Variants in FIG4 observed in about 807,000 individuals in gnomAD.
FIG4 encodes polyphosphoinositide phosphatase.
A neutral mutation model predicts 118.6 loss-of-function variants in FIG4; 112 were observed. The observed-to-expected ratio is 0.94, with a 90% CI of 0.81 to 1.11. The LOEUF (loss-of-function observed/expected upper bound fraction) is 1.11. FIG4 is among the 50% of genes least tolerant of loss of function. The pLI is 0.00. For missense variants in FIG4, 969 were observed against 1,111.7 expected (o/e 0.87, Z 1.83); for synonymous variants, 369 against 381.2 (o/e 0.97, Z 0.37).
intron 10 of FIG4, among the ~76,000 whole-genome samples, chr6:109,753,996 G>T (rs9386840): frequency 0.45 from 67,915 of 151,944 alleles, 16,194 homozygotes; most frequent in African/African-American, 0.61. Context: ...AGTGGTGAGA[G>T]AGGGCATCCC....
At chr6:109,804,746 A>G (rs1778516644) in intron 22 of FIG4, among the ~76,000 whole-genome samples, 9 of 152,180 alleles carry the variant, frequency 5.9e-5, no homozygotes. Context: ...AGATCTGCTC[A>G]TATTTTATAA....
chr6:109,821,177 G>A (rs1778996008), intron 22 of FIG4, among the ~76,000 whole-genome samples: 1 of 152,190 alleles, frequency 6.6e-6, no homozygotes, highest in Non-Finnish European at 1.5e-5. Flanking sequence ...AATTGAGCAG[G>A]ACAATGGAGA....
At chr6:109,795,595 CTTTTTTTTTTTT>C (rs72384711) in intron 21 of FIG4, among the ~76,000 whole-genome samples, 13 of 69,538 alleles carry the variant, frequency 1.9e-4, no homozygotes, top group Admixed American at 7.9e-4. Context: ...GGTTTCAGTC[CTTTTTTTTTTTT>C]TTTTTTTTTT....
chr6:109,784,086 T>C lies in FIG4; in HGVS notation c.1890-884T>C, dbSNP rs1777883703. ...TTCAGCTTTATATTTTTAGAAAGCC[T>C]TTCATTTATATTAAAATCTCTTTTT... is the stretch of plus-strand genomic sequence containing the variant. On this transcript the variant is annotated intron_variant, in intron 16 of 22. Coordinates refer to ENST00000230124, the MANE Select transcript of FIG4 (RefSeq NM_014845.6). Among the ~76,000 whole-genome samples, 4 of 152,290 alleles carry C rather than the reference T, an allele frequency of 2.6e-5. No individual in the cohort carries two copies. In the South Asian group the frequency reaches 8.3e-4, roughly 32 times the overall value.
chr6:109,815,587 A>T (rs1562699150), intron 22 of FIG4, among the ~76,000 whole-genome samples: 1 of 143,794 alleles, frequency 7.0e-6, no homozygotes, highest in Admixed American at 7.5e-5. Context: ...CTCCATGCAG[A>T]TTATACCCAT....
At chr6:109,727,058 A>C in intron 3 of FIG4, 51 bp from the exon 4 acceptor site, 1 of 1,409,294 alleles carries the variant, frequency 7.1e-7, no homozygotes, top group Admixed American at 1.7e-5. Context: ...GGCATCTAAA[A>C]GCCATTACTA....
At chr6:109,813,462 T>C (rs1423215395) in intron 22 of FIG4, among the ~76,000 whole-genome samples, 1 of 152,248 alleles carries the variant, frequency 6.6e-6, no homozygotes. Flanking sequence ...TTAGTTGTCA[T>C]GTCTCTTTAG....
chr6:109,804,814 C>T (rs1377974632), intron 22 of FIG4, among the ~76,000 whole-genome samples: 1 of 152,100 alleles, frequency 6.6e-6, no homozygotes, highest in African/African-American at 2.4e-5. Context: ...GTAAATGGAA[C>T]CCACTATGTG....
intron 1 of FIG4, among the ~76,000 whole-genome samples, chr6:109,705,369 C>T (rs573585627): frequency 2.7e-4 from 41 of 152,296 alleles, no homozygotes; most frequent in African/African-American, 9.6e-4. Flanking sequence ...ATTCCGCGGT[C>T]TACAGTAGGC....
chr6:109,824,453 T>C (rs1486606048), intron 22 of FIG4, among the ~76,000 whole-genome samples: 1 of 151,860 alleles, frequency 6.6e-6, no homozygotes, highest in Non-Finnish European at 1.5e-5. Context: ...ACAAAATGAG[T>C]TTCAGTTGGG....
intron 16 of FIG4, among the ~76,000 whole-genome samples, chr6:109,778,913 T>C (rs189199579): frequency 2.0e-5 from 3 of 152,330 alleles, no homozygotes; most frequent in East Asian, 3.9e-4. Context: ...GCAGCTGTTA[T>C]TAAGTTCTGT....
At chr6:109,702,705 C>T (rs1774941704) in intron 1 of FIG4, among the ~76,000 whole-genome samples, 1 of 152,122 alleles carries the variant, frequency 6.6e-6, no homozygotes, top group African/African-American at 2.4e-5. Flanking sequence ...CCTTTCCCTA[C>T]CATTTGAACT....
At chr6:109,822,787 G>GTGTATATA (rs1554313769) in intron 22 of FIG4, among the ~76,000 whole-genome samples, 1 of 120,432 alleles carries the variant, frequency 8.3e-6, no homozygotes, top group African/African-American at 3.2e-5. Context: ...GTGTGTGTAT[G>GTGTATATA]TATATATATA....
intron 15 of FIG4, among the ~76,000 whole-genome samples, chr6:109,774,155 A>G (rs1245994443): frequency 6.6e-6 from 1 of 152,222 alleles, no homozygotes; most frequent in Non-Finnish European, 1.5e-5. Context: ...TATACAAAGT[A>G]CAGAATGGCT....
intron 4 of FIG4, among the ~76,000 whole-genome samples, chr6:109,727,509 A>G (rs1348353431): frequency 7.9e-5 from 12 of 152,208 alleles, no homozygotes; most frequent in Admixed American, 7.9e-4. Flanking sequence ...AAGAGCTGTT[A>G]AAGACTCCAT....
chr6:109,799,011 C>T (rs1054796078), intron 22 of FIG4, among the ~76,000 whole-genome samples: 2 of 152,186 alleles, frequency 1.3e-5, no homozygotes, highest in Admixed American at 6.5e-5. Flanking sequence ...GATTATTCCA[C>T]TAAAATAATA....
intron 15 of FIG4, among the ~76,000 whole-genome samples, chr6:109,769,196 G>A (rs1052921244): frequency 6.6e-6 from 1 of 150,936 alleles, no homozygotes; most frequent in Non-Finnish European, 1.5e-5. Context: ...TCCGCCTCCC[G>A]GGTTCAAGCG....
intron 1 of FIG4, among the ~76,000 whole-genome samples, chr6:109,711,887 T>G (rs1051246096): frequency 8.5e-5 from 13 of 152,230 alleles, no homozygotes; most frequent in African/African-American, 3.1e-4. Flanking sequence ...GTTTTTCTAG[T>G]GGCTGAGAAT....
chr6:109,751,042 AC>A (rs1219772287), intron 10 of FIG4, among the ~76,000 whole-genome samples: 1 of 152,186 alleles, frequency 6.6e-6, no homozygotes, highest in Non-Finnish European at 1.5e-5. Context: ...CTCAATAGCT[AC>A]CCCTTTTTGT....
Sources: allele counts gnomAD v4.1 joint callset (sites outside exome capture counted in the v4.1 genomes callset), GRCh38; gene constraint gnomAD v4.1.1; transcripts MANE v1.5; gene names NCBI Gene and HGNC (gene_info 2026-07-23, HGNC 2026-07-21).